SMARCC2: variants seen among roughly 807,000 people sequenced by gnomAD.
The protein encoded by SMARCC2 is SWI/SNF related BAF chromatin remodeling complex subunit C2.
A neutral mutation model predicts 151.3 loss-of-function variants in SMARCC2; 15 were observed. That is an observed-to-expected ratio of 0.10 (90% CI 0.07 to 0.15). SMARCC2 has a LOEUF of 0.15. SMARCC2 is among the 10% of genes least tolerant of loss of function. SMARCC2 has a pLI of 1.00. For missense variants in SMARCC2, 1,031 were observed against 1,599.7 expected (o/e 0.64, Z 6.06); for synonymous variants, 590 against 609.5 (o/e 0.97, Z 0.47).
chr12:56,187,122 C>T, intron 2 of SMARCC2, 65 bp downstream of exon 2: 1 of 1,490,128 alleles, frequency 6.7e-7, no homozygotes, highest in Non-Finnish European at 9.1e-7. Flanking sequence ...TTTTAAAATA[C>T]AACTCTTCAG....
At chr12:56,178,311 TAA>T in intron 14 of SMARCC2, 91 bp downstream of exon 14, 1 of 1,463,006 alleles carries the variant, frequency 6.8e-7, no homozygotes, top group Non-Finnish European at 9.5e-7. Context: ...GAGGAAAAAA[TAA>T]CTTATTTGGA....
Position 56,163,407 on chromosome 12 carries a change from T to C in SMARCC2, c.*282A>G. 3.8e-6 allele frequency: 1 copy of C among 265,862 alleles called. No individual in the cohort carries two copies. The highest frequency in any genetic ancestry group is 7.1e-6 in the Non-Finnish European group (1 of 141,690). The allele number at this position is 265,862 out of a possible 1,614,324, so 16.5% of individuals were successfully genotyped here. On this transcript the variant is annotated 3_prime_UTR_variant, in exon 29 of 29. Transcript: ENST00000550164. ...CCCTTAGAAGTGGTTAATAGAACCT[T>C]GTATAAACACCTTTCACCAGCCCTT...
rs1353315795 is a variant in SMARCC2, at chr12:56,171,149, C to T, written c.2347+122G>A. 1.2e-5 allele frequency: 11 copies of T among 914,650 alleles called. No homozygotes were observed. The allele number at this position is 914,650 out of a possible 1,614,324, so 56.7% of individuals were successfully genotyped here. A position where few individuals can be genotyped will look rare whatever the true frequency, so the allele number is the denominator to read the frequency against. On this transcript the variant is annotated intron_variant, in intron 22 of 28. Transcript: ENST00000550164. This position sits in a 1 kb window ranked among gnomAD's most constrained non-coding sequence, Gnocchi z 4.2. ...GGTAAACTCATGGGGAAAATAAAAA[C>T]CCTACCAATGTTCTCATTCATGTTG...
chr12:56,170,724 CTT>C (rs36061638), intron 22 of SMARCC2, among the ~76,000 whole-genome samples: 6 of 90,904 alleles, frequency 6.6e-5, no homozygotes, highest in African/African-American at 8.9e-5. Flanking sequence ...CTTCACAAGA[CTT>C]TTTTTTTTTT....
In SMARCC2 at chr12:56,185,179, CTTTT is replaced by C. The variant is rs1182017394; in HGVS notation, c.318-72_318-69del. 27 of 1,321,230 alleles carry C rather than the reference CTTTT, an allele frequency of 2.0e-5. No homozygotes were observed. In the East Asian group the frequency reaches 3.2e-4, roughly 16 times the overall value. The allele number at this position is 1,321,230 out of a possible 1,614,324, so 81.8% of individuals were successfully genotyped here. The stretch of plus-strand genomic sequence containing the variant: ...CTGCAGATGAGGTGAGGGCACGTGA[CTTTT>C]TTGTTTGTTTTTTGAGATGGAGTCT... On this transcript the variant is annotated intron_variant, in intron 3 of 28. Coordinates refer to ENST00000550164, the MANE Select transcript of SMARCC2 (RefSeq NM_001330288.2).
chr12:56,167,970 AC>A, intron 26 of SMARCC2, 89 bp downstream of exon 26: 1 of 1,176,534 alleles, frequency 8.5e-7, no homozygotes, highest in Non-Finnish European at 1.2e-6. Context: ...ACACACACAC[AC>A]ACACACACAC....
chr12:56,176,136 C>T (rs1182907802), intron 15 of SMARCC2, among the ~76,000 whole-genome samples: 8 of 150,552 alleles, frequency 5.3e-5, no homozygotes, highest in African/African-American at 1.8e-4. Context: ...GAATTACAGG[C>T]GTGAGCCACC....
intron 22 of SMARCC2, among the ~76,000 whole-genome samples, chr12:56,170,716 T>G (rs541522252): frequency 6.8e-6 from 1 of 146,706 alleles, no homozygotes; most frequent in South Asian, 2.2e-4. Flanking sequence ...CACCCAGCCT[T>G]CACAAGACTT....
chr12:56,185,005 G>A (rs762349699), intron 4 of SMARCC2, 25 bp downstream of exon 4: 2 of 1,598,750 alleles, frequency 1.3e-6, no homozygotes, highest in East Asian at 2.2e-5. Context: ...AGGGAAGGGA[G>A]ATAAATAGGG....
intron 26 of SMARCC2, 84 bp from the exon 27 acceptor site, chr12:56,165,783 G>A (rs1193753522): frequency 7.4e-7 from 1 of 1,357,234 alleles, no homozygotes; most frequent in African/African-American, 1.4e-5. Context: ...GTCTTCTTCT[G>A]AAAGAGCCTG....
At chr12:56,169,467 A>C in intron 25 of SMARCC2, 62 bp downstream of exon 25, 1 of 1,558,612 alleles carries the variant, frequency 6.4e-7, no homozygotes, top group Non-Finnish European at 8.8e-7. Flanking sequence ...ATTTCCTCTA[A>C]GTGAGATGAG....
intron 26 of SMARCC2, among the ~76,000 whole-genome samples, 171 bp downstream of exon 26, chr12:56,167,889 A>AACACACACACACACACACACACAC (rs57344405): frequency 1.1e-4 from 14 of 132,630 alleles, no homozygotes; most frequent in African/African-American, 4.1e-4. Flanking sequence ...CTTTCACTGA[A>AACACACACACACACACACACACAC]ACACACACAC....
intron 3 of SMARCC2, chr12:56,185,683 G>A (rs1877118063): frequency 6.0e-6 from 1 of 166,458 alleles, no homozygotes; most frequent in Non-Finnish European, 1.3e-5. Flanking sequence ...TTGCCAAGTT[G>A]GCCAGGCTGG....
chr12:56,187,397 T>C lies in SMARCC2; in HGVS notation c.112-91A>G, dbSNP rs533563231. On this transcript the variant is annotated intron_variant, in intron 1 of 28. Transcript: ENST00000550164. ...TTCTCCCCCAGGGGCTCTGGAAGCA[T>C]GTGGAGCAAAGAAAATAGTGCCCTT... The C allele has an allele frequency of 1.3e-5, 17 of 1,285,810 alleles. No homozygotes were observed. In the African/African-American group the frequency reaches 2.2e-4, roughly 17 times the overall value. The allele number at this position is 1,285,810 out of a possible 1,614,324, so 79.7% of individuals were successfully genotyped here.
chr12:56,171,525 T>C lies in SMARCC2; in HGVS notation c.2186-93A>G, dbSNP rs1873952026. 3 of 1,557,658 alleles carry C rather than the reference T, an allele frequency of 1.9e-6. No individual in the cohort carries two copies. The highest frequency in any genetic ancestry group is 2.2e-5 in the East Asian group (1 of 44,578). ...GCTTACTCACAAGCCCATGTCTTCATCTAAGCTAGTATGGAGCCTAGACAG... is the reference window on the plus strand; with the variant it reads ...GCTTACTCACAAGCCCATGTCTTCACCTAAGCTAGTATGGAGCCTAGACAG... On this transcript the variant is annotated intron_variant, in intron 21 of 28. Transcript: ENST00000550164. This position sits in a 1 kb window ranked among gnomAD's most constrained non-coding sequence, Gnocchi z 4.2.
chr12:56,176,367 T>C (rs946453466), intron 15 of SMARCC2, among the ~76,000 whole-genome samples: 1 of 152,210 alleles, frequency 6.6e-6, no homozygotes, highest in African/African-American at 2.4e-5. Context: ...GAAGAAAACT[T>C]GTTCAGTTCT....
At chr12:56,186,042 C>T (rs79659813) in intron 3 of SMARCC2, 113 bp downstream of exon 3, 19,107 of 805,182 alleles carry the variant, frequency 0.024, 328 homozygotes, top group Middle Eastern at 0.051. Flanking sequence ...GGTCTACTGA[C>T]CCAGCAAAAT....
At position 56,184,187 on chromosome 12, in the gene SMARCC2, T is replaced by C. The variant is rs745989680; in HGVS notation, c.550A>G (p.Asn184Asp). ...ACCCAGGTCTCACCTTCTTCTAGAT[T>C]CCCCGGGACAGGATACACAACATGG... is the stretch of plus-strand genomic sequence containing the variant. ...ASHVVYPVPG[N>D]LEEEEWVRPV... The change falls in exon 6 of 29, where the codon AAT becomes GAT. Residue 184 changes from asparagine to aspartate, a missense_variant. Asn to Asp is a conservative substitution (Grantham distance 23). Around this residue, in one of 12 missense-constraint regions of SMARCC2, gnomAD observed 123 missense variants for 190.4 expected, o/e 0.65. Coordinates refer to ENST00000550164, the MANE Select transcript of SMARCC2 (RefSeq NM_001330288.2). The C allele has an allele frequency of 1.2e-6, 2 of 1,613,236 alleles. No homozygotes were observed. The highest frequency in any genetic ancestry group is 1.7e-6 in the Non-Finnish European group (2 of 1,179,364).
intron 28 of SMARCC2, 26 bp downstream of exon 28, chr12:56,164,277 C>G: frequency 6.2e-7 from 1 of 1,608,254 alleles, no homozygotes; most frequent in Non-Finnish European, 8.5e-7. Context: ...CTCCCTCACC[C>G]TTCTCCCCTC....
Sources: allele counts gnomAD v4.1 joint callset (sites outside exome capture counted in the v4.1 genomes callset), GRCh38; gene constraint gnomAD v4.1.1; regional missense constraint gnomAD v4.1.1; non-coding constraint Gnocchi (gnomAD v3.1); transcripts MANE v1.5; gene names NCBI Gene and HGNC (gene_info 2026-07-23, HGNC 2026-07-21).